Variants in ARHGAP29 observed in about 807,000 individuals in gnomAD.
ARHGAP29 encodes Rho GTPase activating protein 29.
In ARHGAP29, 43 loss-of-function variants were observed where a neutral mutation model predicts 122.6. The observed-to-expected ratio is 0.35, with a 90% CI of 0.27 to 0.45. The LOEUF (loss-of-function observed/expected upper bound fraction) is 0.45. ARHGAP29 is among the 20% of genes least tolerant of loss of function. ARHGAP29 has a pLI of 1.00. For synonymous variants in ARHGAP29, 506 were observed against 497.1 expected (o/e 1.02, Z -0.24); for missense variants, 1,303 against 1,477.2 (o/e 0.88, Z 1.93).
rs1648732211 is a variant in ARHGAP29 at position 94,171,433 on chromosome 1, A to C, written c.*2436T>G. Among the ~76,000 whole-genome samples, 1 of 152,186 alleles carries C rather than the reference A, an allele frequency of 6.6e-6. No homozygotes were observed. The highest frequency in any genetic ancestry group is 2.1e-4 in the South Asian group (1 of 4,830). ...CTGAGTCGTTTGGACAATACGCATC[A>C]TCTTGGACAATACGCCTCCCACAAG... On this transcript the variant is annotated 3_prime_UTR_variant, in exon 23 of 23. Coordinates refer to ENST00000260526, the MANE Select transcript of ARHGAP29 (RefSeq NM_004815.4).
chr1:94,306,091 G>A, the ARHGAP29 span, among the ~76,000 whole-genome samples: 1 of 152,236 alleles, frequency 6.6e-6, no homozygotes, highest in Non-Finnish European at 1.5e-5. Flanking sequence ...CTTTGGACAA[G>A]GCCATTTTAT....
chr1:94,173,358 G>GTA lies in ARHGAP29; in HGVS notation c.*509_*510dup, dbSNP rs1553201792. ...AATTGAAAAATAAGAGCTTACATAC[G>GTA]TATCTTAAAAAAGCACAAATGGTGA... On this transcript the variant is annotated 3_prime_UTR_variant, in exon 23 of 23. Coordinates refer to ENST00000260526, the MANE Select transcript of ARHGAP29 (RefSeq NM_004815.4). The GTA allele has an allele frequency of 6.5e-5, 10 of 152,876 alleles. No individual in the cohort carries two copies. The highest frequency in any genetic ancestry group is 2.4e-4 in the African/African-American group (10 of 41,524). 9.5% of individuals were successfully genotyped at this position (152,876 alleles called of 1,614,324 possible).
At chr1:94,269,238 G>A (rs186619256) in intron 1 of ARHGAP29, among the ~76,000 whole-genome samples, 111 of 152,216 alleles carry the variant, frequency 7.3e-4, no homozygotes, top group African/African-American at 2.6e-3. Flanking sequence ...ACTTATTCAC[G>A]TCCCATTATT....
intron 1 of ARHGAP29, among the ~76,000 whole-genome samples, chr1:94,274,562 T>C (rs1357972027): frequency 2.0e-5 from 3 of 152,214 alleles, no homozygotes; most frequent in South Asian, 2.1e-4. Flanking sequence ...GAAACCTTAA[T>C]GGAGTCTAAT....
intron 12 of ARHGAP29, chr1:94,191,499 G>A (rs1467062016): frequency 6.6e-6 from 1 of 152,100 alleles, no homozygotes; most frequent in Non-Finnish European, 1.5e-5. Flanking sequence ...TAGCTTATTT[G>A]TGCCCTAACT....
In ARHGAP29 at chr1:94,237,418, G is replaced by A. The variant is rs917473167; in HGVS notation, c.-36C>T. Reference sequence around the variant, plus strand: ...AGCGCCACCTCCTCACACTCACCACGGCGCTCCATCTCGCGTGCCGGACGC... The same window carrying A: ...AGCGCCACCTCCTCACACTCACCACAGCGCTCCATCTCGCGTGCCGGACGC... On this transcript the variant is annotated 5_prime_UTR_variant, in exon 1 of 23. Transcript: ENST00000260526. The A allele has an allele frequency of 2.0e-6, 2 of 986,556 alleles. No homozygotes were observed. The highest frequency in any genetic ancestry group is 1.7e-5 in the African/African-American group (1 of 57,232). The allele number at this position is 986,556 out of a possible 1,614,324, so 61.1% of individuals were successfully genotyped here. A position where few individuals can be genotyped will look rare whatever the true frequency, so the allele number is the denominator to read the frequency against.
At chr1:94,187,004 T>A (rs1649845233) in intron 15 of ARHGAP29, among the ~76,000 whole-genome samples, 1 of 152,212 alleles carries the variant, frequency 6.6e-6, no homozygotes, top group African/African-American at 2.4e-5. Context: ...ATGTATACAA[T>A]TAAACCAAAA....
chr1:94,209,197 C>T, intron 4 of ARHGAP29, 57 bp downstream of exon 4: 2 of 1,238,060 alleles, frequency 1.6e-6, no homozygotes, highest in Non-Finnish European at 2.3e-6. Flanking sequence ...GATAATGCAA[C>T]ATACTCTCAC....
At chr1:94,285,859 G>A in the ARHGAP29 span, among the ~76,000 whole-genome samples, 1 of 124,034 alleles carries the variant, frequency 8.1e-6, no homozygotes, top group Non-Finnish European at 1.6e-5. Context: ...TGATGACAGA[G>A]CAAGACTCTG....
chr1:94,311,451 G>C, the ARHGAP29 span, among the ~76,000 whole-genome samples: 1 of 152,128 alleles, frequency 6.6e-6, no homozygotes, highest in Non-Finnish European at 1.5e-5. Context: ...CTCTGCACCA[G>C]AGGCTTGGAT....
At chr1:94,305,294 G>A in the ARHGAP29 span, among the ~76,000 whole-genome samples, 1 of 152,216 alleles carries the variant, frequency 6.6e-6, no homozygotes, top group South Asian at 2.1e-4. Flanking sequence ...ATGCTCTTGT[G>A]TGCCAATCCT....
rs1557832109 is a variant in ARHGAP29 at position 94,172,240 on chromosome 1, T to C, written c.*1629A>G. Reference sequence around the variant, plus strand: ...AACATGCTTACCCACCCATTATAGGTTGCTGTGAACTTGAAATAAAATAAT... The same window carrying C: ...AACATGCTTACCCACCCATTATAGGCTGCTGTGAACTTGAAATAAAATAAT... On this transcript the variant is annotated 3_prime_UTR_variant, in exon 23 of 23. Transcript: ENST00000260526. The C allele has an allele frequency of 6.6e-6, 1 of 152,182 alleles. No homozygotes were observed. 9.4% of individuals were successfully genotyped at this position (152,182 alleles called of 1,614,324 possible).
At chr1:94,245,857 G>A (rs536483979) in intron 1 of ARHGAP29, among the ~76,000 whole-genome samples, 2 of 152,288 alleles carry the variant, frequency 1.3e-5, no homozygotes, top group East Asian at 3.9e-4. Flanking sequence ...TTTGTTCAAT[G>A]TGGTTATACT....
At chr1:94,259,573 C>T (rs368132764) in intron 1 of ARHGAP29, among the ~76,000 whole-genome samples, 2 of 152,020 alleles carry the variant, frequency 1.3e-5, no homozygotes, top group South Asian at 2.1e-4. Context: ...GGGAAGATAC[C>T]TGTATAAAGG....
rs765069221 is a variant in ARHGAP29, at chr1:94,189,278, C to T, written c.1514G>A (p.Arg505His). The T allele has an allele frequency of 1.9e-6, 3 of 1,613,008 alleles. No homozygotes were observed. Among genetic ancestry groups the T allele is most frequent in the Admixed American group, 1.7e-5 (1 of 59,912 alleles). Residue 505 changes from arginine to histidine, a missense_variant, in exon 14 of 23, where the codon CGC becomes CAC. Arg to His is a conservative substitution (Grantham distance 29, BLOSUM62 0). Transcript: ENST00000260526. ...GPANSLEDVV[R>H]LPDSSNKIEE... ...AATTTTATTAGAACTGTCAGGAAGGCGTACAACATCCTCTAAAGAGTTGGC... is the reference window on the plus strand; with the variant it reads ...AATTTTATTAGAACTGTCAGGAAGGTGTACAACATCCTCTAAAGAGTTGGC...
At chr1:94,304,244 A>G in the ARHGAP29 span, among the ~76,000 whole-genome samples, 1 of 152,202 alleles carries the variant, frequency 6.6e-6, no homozygotes. Flanking sequence ...GGCTAAAGCT[A>G]TCCTCTGGCC....
the ARHGAP29 span, among the ~76,000 whole-genome samples, chr1:94,312,259 C>T: frequency 3.3e-5 from 5 of 151,962 alleles, no homozygotes; most frequent in Non-Finnish European, 7.4e-5. Context: ...TCCACATTGC[C>T]AAATCCAGTG....
upstream of ARHGAP29, among the ~76,000 whole-genome samples, chr1:94,238,053 ATTTTTTTTTTTTTTTT>A (rs71717670): frequency 1.6e-5 from 1 of 61,008 alleles, no homozygotes; most frequent in Non-Finnish European, 2.8e-5. Flanking sequence ...GCCTATCTGT[ATTTTTTTTTTTTTTTT>A]TTTTTTTTTT....
intron 19 of ARHGAP29, among the ~76,000 whole-genome samples, chr1:94,183,656 A>G (rs925977440): frequency 6.6e-6 from 1 of 152,224 alleles, no homozygotes; most frequent in Non-Finnish European, 1.5e-5. Context: ...CTATTTTAAA[A>G]TATCAACGAA....
Sources: allele counts gnomAD v4.1 joint callset (sites outside exome capture counted in the v4.1 genomes callset), GRCh38; gene constraint gnomAD v4.1.1; transcripts MANE v1.5; gene names NCBI Gene and HGNC (gene_info 2026-07-23, HGNC 2026-07-21).